ARL5B: variants seen among roughly 807,000 people sequenced by gnomAD.
The protein encoded by ARL5B is ARF like GTPase 5B, also known as ADP-ribosylation factor-like protein 5B.
A neutral mutation model predicts 26.9 loss-of-function variants in ARL5B; 10 were observed. The ratio of observed to expected loss-of-function variants is 0.37; its 90% CI spans 0.23 to 0.63. The LOEUF is 0.63. ARL5B is among the 30% of genes least tolerant of loss of function. The pLI is 0.62. For synonymous variants in ARL5B, 87 were observed against 70.4 expected (o/e 1.24, Z -1.18); for missense variants, 167 against 213.9 (o/e 0.78, Z 1.37).
Position 18,675,236 on chromosome 10 carries a change from C to G in ARL5B, c.*20C>G, listed in dbSNP as rs773142983. 5 of 1,609,622 alleles carry G rather than the reference C, an allele frequency of 3.1e-6. No homozygotes were observed. Among genetic ancestry groups the G allele is most frequent in the Non-Finnish European group, 2.6e-6 (3 of 1,176,134 alleles). ...AGATAACTTTTTTGCTTGAAAGAGACTGCTCTATTTATTCTGTGACATGAA... is the reference window on the plus strand; with the variant it reads ...AGATAACTTTTTTGCTTGAAAGAGAGTGCTCTATTTATTCTGTGACATGAA... On this transcript the variant is annotated 3_prime_UTR_variant, in exon 6 of 6. Coordinates refer to ENST00000377275, the MANE Select transcript of ARL5B (RefSeq NM_178815.5).
Position 18,679,146 on chromosome 10 carries a change from T to G in ARL5B, c.*3930T>G, listed in dbSNP as rs1018419390. Reference sequence around the variant, plus strand: ...TGCTATTCAACTTAAATTCAGCGAATTAATAGCTGAATAGAAATAGCTAAT... The same window carrying G: ...TGCTATTCAACTTAAATTCAGCGAAGTAATAGCTGAATAGAAATAGCTAAT... On this transcript the variant is annotated 3_prime_UTR_variant, in exon 6 of 6. Coordinates refer to ENST00000377275, the MANE Select transcript of ARL5B (RefSeq NM_178815.5). 1.2e-4 allele frequency: 18 copies of G among 151,982 alleles called. No homozygotes were observed. Among genetic ancestry groups the G allele is most frequent in the African/African-American group, 4.3e-4 (18 of 41,550 alleles). 9.4% of individuals were successfully genotyped at this position (151,982 alleles called of 1,614,324 possible).
chr10:18,675,076 C>T (rs2059904470), intron 5 of ARL5B, 92 bp from the exon 6 acceptor site: 1 of 1,119,960 alleles, frequency 8.9e-7, no homozygotes, highest in Middle Eastern at 2.4e-4. Flanking sequence ...GATTGTGCTA[C>T]CAGCCTTTGG....
rs1043129137 is a variant in ARL5B at position 18,680,090 on chromosome 10, C to T, written c.*4874C>T. ...TGTGCATAGCTTTTGGAATAGAAAACAAAGTTTTAAAAGAATGGATATGTT... is the reference window on the plus strand; with the variant it reads ...TGTGCATAGCTTTTGGAATAGAAAATAAAGTTTTAAAAGAATGGATATGTT... On this transcript the variant is annotated 3_prime_UTR_variant, in exon 6 of 6. Coordinates refer to ENST00000377275, the MANE Select transcript of ARL5B (RefSeq NM_178815.5). 1 of 151,882 alleles carries T rather than the reference C, an allele frequency of 6.6e-6. No homozygotes were observed. Among genetic ancestry groups the T allele is most frequent in the East Asian group, 1.9e-4 (1 of 5,186 alleles). The allele number at this position is 151,882 out of a possible 1,614,324, so 9.4% of individuals were successfully genotyped here.
chr10:18,659,496 G>A lies in ARL5B; in HGVS notation c.-142G>A. ...GCGGCGCCTTCTGAGTGGTCGGGTC[G>A]AGGCTTCTCGGCCTAGCAGTGCCCT... On this transcript the variant is annotated 5_prime_UTR_variant, in exon 1 of 6. Coordinates refer to ENST00000377275, the MANE Select transcript of ARL5B (RefSeq NM_178815.5). 4 of 1,112,042 alleles carry A rather than the reference G, an allele frequency of 3.6e-6. No homozygotes were observed. The highest frequency in any genetic ancestry group is 1.7e-5 in the African/African-American group (1 of 60,084). 68.9% of individuals were successfully genotyped at this position (1,112,042 alleles called of 1,614,324 possible). A position where few individuals can be genotyped will look rare whatever the true frequency, so the allele number is the denominator to read the frequency against.
intron 4 of ARL5B, 133 bp from the exon 5 acceptor site, chr10:18,673,851 A>C: frequency 1.6e-6 from 1 of 639,582 alleles, no homozygotes; most frequent in Non-Finnish European, 2.3e-6. Context: ...AATTACGGGT[A>C]TTTGAGATTA....
chr10:18,671,696 G>C (rs892588175), intron 3 of ARL5B, among the ~76,000 whole-genome samples: 6 of 144,714 alleles, frequency 4.1e-5, no homozygotes, highest in African/African-American at 1.5e-4. Context: ...AATGAGTTAG[G>C]GCCTCTCTCT....
intron 1 of ARL5B, chr10:18,659,968 C>G (rs1054743257): frequency 6.1e-6 from 6 of 982,856 alleles, no homozygotes; most frequent in Non-Finnish European, 7.2e-6. Context: ...CTAATGATGC[C>G]AGGAGGCGTA....
At chr10:18,671,013 A>C (rs1326647018) in intron 3 of ARL5B, among the ~76,000 whole-genome samples, 2 of 152,134 alleles carry the variant, frequency 1.3e-5, no homozygotes, top group African/African-American at 4.8e-5. Context: ...ATAATACAAG[A>C]AGTTACAGGT....
Position 18,675,243 on chromosome 10 carries a change from A to T in ARL5B, c.*27A>T. The T allele has an allele frequency of 6.2e-7, 1 of 1,606,902 alleles. No homozygotes were observed. The highest frequency in any genetic ancestry group is 8.5e-7 in the Non-Finnish European group (1 of 1,173,636). On this transcript the variant is annotated 3_prime_UTR_variant, in exon 6 of 6. Transcript: ENST00000377275. ...TTTTTTGCTTGAAAGAGACTGCTCTATTTATTCTGTGACATGAACATTTTT... is the reference window on the plus strand; with the variant it reads ...TTTTTTGCTTGAAAGAGACTGCTCTTTTTATTCTGTGACATGAACATTTTT...
chr10:18,674,060 C>T lies in ARL5B; in HGVS notation c.416C>T (p.Ser139Leu), dbSNP rs372696681. Residue 139 changes from serine to leucine, a missense_variant, in exon 5 of 6, where the codon TCG becomes TTG. Ser to Leu is a moderately radical substitution (Grantham distance 145, BLOSUM62 -2). Transcript: ENST00000377275. ...MKGCMTAAEI[S>L]KYLTLSSIKD... The stretch of plus-strand genomic sequence containing the variant: ...GGGTGTATGACAGCAGCTGAAATCT[C>T]GAAATACCTCACCCTTAGTTCAATT... 5.0e-6 allele frequency: 8 copies of T among 1,613,184 alleles called. No homozygotes were observed. Among genetic ancestry groups the T allele is most frequent in the East Asian group, 2.2e-5 (1 of 44,778 alleles).
At position 18,668,563 on chromosome 10, in the gene ARL5B, C is replaced by G; in HGVS notation, c.141C>G (p.Thr47=). 1 of 1,614,052 alleles carries G rather than the reference C, an allele frequency of 6.2e-7. No individual in the cohort carries two copies. Among genetic ancestry groups the G allele is most frequent in the Non-Finnish European group, 8.5e-7 (1 of 1,180,006 alleles). Residue 47 remains threonine (T), a synonymous_variant, in exon 3 of 6, where the codon ACC becomes ACG. Transcript: ENST00000377275. ...LMNEVVHTSP[T]IGSNVEEIVV... is the part of the protein sequence containing the mutation. ...ATGAAGTGGTTCATACTTCTCCAAC[C>G]ATAGGAAGCAATGTTGAAGAAATAG...
At chr10:18,670,693 G>T (rs149090234) in intron 3 of ARL5B, among the ~76,000 whole-genome samples, 120 of 152,316 alleles carry the variant, frequency 7.9e-4, no homozygotes, top group Non-Finnish European at 1.2e-3. Flanking sequence ...GTAGTTTTAA[G>T]CTCACAGTTA....
At chr10:18,662,950 G>A (rs1001706956) in intron 1 of ARL5B, among the ~76,000 whole-genome samples, 3 of 151,610 alleles carry the variant, frequency 2.0e-5, no homozygotes, top group Admixed American at 6.6e-5. Flanking sequence ...TAATCCGCCC[G>A]CCTTGGCCTC....
At chr10:18,675,076 C>G in intron 5 of ARL5B, 92 bp from the exon 6 acceptor site, 1 of 1,119,960 alleles carries the variant, frequency 8.9e-7, no homozygotes, top group Non-Finnish European at 1.3e-6. Context: ...GATTGTGCTA[C>G]CAGCCTTTGG....
chr10:18,668,512 G>A lies in ARL5B; in HGVS notation c.108-18G>A, dbSNP rs1472622263. 6.2e-7 allele frequency: 1 copy of A among 1,612,332 alleles called. No homozygotes were observed. Among genetic ancestry groups the A allele is most frequent in the East Asian group, 2.2e-5 (1 of 44,840 alleles). ...CTCAAGATTTACAAGAGCTTTTACG[G>A]TGTCTGTTTTTCAACAGCTTAATGA... On this transcript the variant is annotated intron_variant, in intron 2 of 5. Coordinates refer to ENST00000377275, the MANE Select transcript of ARL5B (RefSeq NM_178815.5).
intron 1 of ARL5B, among the ~76,000 whole-genome samples, 187 bp from the exon 2 acceptor site, chr10:18,666,388 A>G (rs769124710): frequency 6.6e-6 from 1 of 152,262 alleles, no homozygotes; most frequent in African/African-American, 2.4e-5. Flanking sequence ...AGAATCAATG[A>G]TAATTGATTT....
intron 4 of ARL5B, 104 bp downstream of exon 4, chr10:18,672,809 T>A: frequency 1.6e-6 from 1 of 644,776 alleles, no homozygotes; most frequent in South Asian, 2.4e-5. Flanking sequence ...GGCTATTTTA[T>A]GATTAACACA....
At position 18,679,118 on chromosome 10, in the gene ARL5B, A is replaced by T. The variant is rs2059922421; in HGVS notation, c.*3902A>T. On this transcript the variant is annotated 3_prime_UTR_variant, in exon 6 of 6. Transcript: ENST00000377275. ...ACCAAGTAGGGAAAAACGTATCAGT[A>T]ACTGCTATTCAACTTAAATTCAGCG... 6.6e-6 allele frequency: 1 copy of T among 151,954 alleles called. No homozygotes were observed. The highest frequency in any genetic ancestry group is 1.5e-5 in the Non-Finnish European group (1 of 67,816). The allele number at this position is 151,954 out of a possible 1,614,324, so 9.4% of individuals were successfully genotyped here.
At chr10:18,664,562 C>G (rs1194031058) in intron 1 of ARL5B, among the ~76,000 whole-genome samples, 2 of 150,908 alleles carry the variant, frequency 1.3e-5, no homozygotes, top group African/African-American at 2.4e-5. Flanking sequence ...TTCAACCTCC[C>G]AAGTAGCTGG....
Sources: allele counts gnomAD v4.1 joint callset (sites outside exome capture counted in the v4.1 genomes callset), GRCh38; gene constraint gnomAD v4.1.1; transcripts MANE v1.5; gene names NCBI Gene and HGNC (gene_info 2026-07-23, HGNC 2026-07-21).